CPSF3: variants seen among roughly 807,000 people sequenced by gnomAD.
CPSF3 encodes the protein cleavage and polyadenylation specificity factor subunit 3.
In CPSF3, 57 loss-of-function variants were observed where a neutral mutation model predicts 84.1. The observed-to-expected ratio is 0.68, with a 90% CI of 0.55 to 0.85. The LOEUF (loss-of-function observed/expected upper bound fraction) is 0.85, where lower values mean the gene tolerates loss of function less well. Among genes scored for constraint, CPSF3 ranks in the 40% least tolerant of loss-of-function variants. CPSF3 has a pLI of 0.00. For synonymous variants in CPSF3, 275 were observed against 278.1 expected (o/e 0.99, Z 0.11); for missense variants, 522 against 838.8 (o/e 0.62, Z 4.66).
At chr2:9,426,400 G>A (rs1024129723) in intron 1 of CPSF3, among the ~76,000 whole-genome samples, 1 of 152,190 alleles carries the variant, frequency 6.6e-6, no homozygotes, top group African/African-American at 2.4e-5. Flanking sequence ...GAGCAAGTAC[G>A]GGGCATGTGG....
rs1047229443 is a variant in CPSF3, at chr2:9,471,735, A to C, written c.1953+296A>C. 3.3e-5 allele frequency among the ~76,000 whole-genome samples: 5 copies of C among 151,528 alleles called. No homozygotes were observed. In the Admixed American group the frequency reaches 3.3e-4, roughly 10 times the overall value. ...TAGTTTGGCATCTAGTTGACTCTCC[A>C]TTTTTTAAAGAAGCCGCTCTTCTGT... is the stretch of plus-strand genomic sequence containing the variant. On this transcript the variant is annotated intron_variant, in intron 17 of 17. Transcript: ENST00000238112.
chr2:9,450,147 A>ATTTT (rs750560891), intron 11 of CPSF3, among the ~76,000 whole-genome samples: 2 of 122,680 alleles, frequency 1.6e-5, no homozygotes, highest in African/African-American at 3.0e-5. Flanking sequence ...ACAGGCACAA[A>ATTTT]TTTTTTTTTT....
intron 1 of CPSF3, among the ~76,000 whole-genome samples, chr2:9,426,760 A>G (rs1680406474): frequency 6.6e-6 from 1 of 152,026 alleles, no homozygotes; most frequent in Non-Finnish European, 1.5e-5. Context: ...GGCTGCCAAG[A>G]GAACAAGATA....
At position 9,428,848 on chromosome 2, in the gene CPSF3, TC is replaced by T. The variant is rs768294046; in HGVS notation, c.114+21del. ...ATAATGGTAATTACTATTTTTGTAC[TC>T]AGTTTAATAGTATGGCTCTGTCTGT... On this transcript the variant is annotated intron_variant, in intron 2 of 17. Coordinates refer to ENST00000238112, the MANE Select transcript of CPSF3 (RefSeq NM_016207.4). The T allele has an allele frequency of 7.0e-7, 1 of 1,421,440 alleles. No individual in the cohort carries two copies. The allele number at this position is 1,421,440 out of a possible 1,614,324, so 88.1% of individuals were successfully genotyped here.
intron 15 of CPSF3, among the ~76,000 whole-genome samples, chr2:9,466,416 G>GCACACGCGCA (rs879318523): frequency 1.1e-4 from 16 of 140,910 alleles, no homozygotes; most frequent in East Asian, 4.1e-4. Context: ...GCGCACACAC[G>GCACACGCGCA]CACACGCGCA....
intron 15 of CPSF3, among the ~76,000 whole-genome samples, chr2:9,465,211 T>G (rs1453863156): frequency 6.6e-6 from 1 of 152,138 alleles, no homozygotes; most frequent in Non-Finnish European, 1.5e-5. Context: ...TAGTGTTACA[T>G]GAGAAAGTAA....
At chr2:9,458,752 G>A (rs556451504) in intron 14 of CPSF3, among the ~76,000 whole-genome samples, 22 of 152,126 alleles carry the variant, frequency 1.4e-4, no homozygotes, top group Non-Finnish European at 2.6e-4. Flanking sequence ...GTCAGAGATT[G>A]TACCCTAGGA....
At chr2:9,439,263 G>A (rs1395598563) in intron 7 of CPSF3, among the ~76,000 whole-genome samples, 2 of 151,890 alleles carry the variant, frequency 1.3e-5, no homozygotes, top group Non-Finnish European at 2.9e-5. Flanking sequence ...AAGTTGTTTT[G>A]AAAATTAGAA....
chr2:9,451,907 G>A (rs910449365), intron 11 of CPSF3, among the ~76,000 whole-genome samples: 44 of 151,954 alleles, frequency 2.9e-4, no homozygotes, highest in Admixed American at 1.1e-3. Flanking sequence ...TAGTAGAGAC[G>A]GGGTTTCATT....
At position 9,431,550 on chromosome 2, in the gene CPSF3, TTC is replaced by T. The variant is rs1174973839; in HGVS notation, c.341+672_341+673del. 1.2e-3 allele frequency among the ~76,000 whole-genome samples: 121 copies of T among 103,460 alleles called. 5 individuals are homozygous for T. Among genetic ancestry groups the T allele is most frequent in the African/African-American group, 2.9e-3 (71 of 24,716 alleles). 67.9% of individuals were successfully genotyped at this position (103,460 alleles called of 152,430 possible). A position where few individuals can be genotyped will look rare whatever the true frequency, so the allele number is the denominator to read the frequency against. On this transcript the variant is annotated intron_variant, in intron 4 of 17. Coordinates refer to ENST00000238112, the MANE Select transcript of CPSF3 (RefSeq NM_016207.4). ...ACATATTTTTTTTTTCTTTTTTTTT[TTC>T]TTTTTTTTTTGAGACGGAGTCTTGT...
rs1681509107 is a variant in CPSF3 at position 9,455,874 on chromosome 2, A to C, written c.1603+117A>C. ...ATTGTCTCAGAATTGTGTAAGTTTT[A>C]TAAATATGTGTGATCATGTTATTAT... On this transcript the variant is annotated intron_variant, in intron 13 of 17. Transcript: ENST00000238112. The C allele has an allele frequency of 1.2e-5, 8 of 688,384 alleles. No individual in the cohort carries two copies. The South Asian group carries it at 1.7e-4, about 14-fold the overall frequency. 42.6% of individuals were successfully genotyped at this position (688,384 alleles called of 1,614,324 possible). A position where few individuals can be genotyped will look rare whatever the true frequency, so the allele number is the denominator to read the frequency against.
chr2:9,424,038 C>G, intron 1 of CPSF3: 2 of 1,283,826 alleles, frequency 1.6e-6, no homozygotes, highest in South Asian at 4.5e-5. Context: ...GCTTTTTCAT[C>G]AGTTTCAGGG....
At chr2:9,466,320 G>A (rs1454399342) in intron 15 of CPSF3, among the ~76,000 whole-genome samples, 2 of 72,554 alleles carry the variant, frequency 2.8e-5, no homozygotes, top group Non-Finnish European at 6.6e-5. Context: ...ACTGACGCAC[G>A]CACACAGACG....
At position 9,435,171 on chromosome 2, in the gene CPSF3, G is replaced by A. The variant is rs372890271; in HGVS notation, c.610-1040G>A. Among the ~76,000 whole-genome samples the A allele has an allele frequency of 6.8e-4, 104 of 152,290 alleles. 1 individual carries two copies. Among genetic ancestry groups the A allele is most frequent in the African/African-American group, 2.3e-3 (97 of 41,562 alleles). On this transcript the variant is annotated intron_variant, in intron 6 of 17. Transcript: ENST00000238112. ...TCTGGGCTGGGGTCTGAGATTTTGCGCTTCTGATAAGCTCCCAAGGGATGT... is the reference window on the plus strand; with the variant it reads ...TCTGGGCTGGGGTCTGAGATTTTGCACTTCTGATAAGCTCCCAAGGGATGT...
chr2:9,425,751 C>G (rs1680368453), intron 1 of CPSF3, among the ~76,000 whole-genome samples: 1 of 31,846 alleles, frequency 3.1e-5, no homozygotes, highest in Non-Finnish European at 9.1e-5. Context: ...ATACAGTTTA[C>G]ATACCATACA....
At chr2:9,471,224 AG>A in intron 16 of CPSF3, 118 bp from the exon 17 acceptor site, 2 of 625,534 alleles carry the variant, frequency 3.2e-6, no homozygotes, top group Admixed American at 2.8e-5. Context: ...AAAAAAAAAA[AG>A]AAAAAAAGTA....
At chr2:9,471,460 A>C (rs763207361) in intron 17 of CPSF3, 21 bp downstream of exon 17, 7 of 1,380,518 alleles carry the variant, frequency 5.1e-6, no homozygotes, top group Middle Eastern at 1.8e-4. Flanking sequence ...GCTCTTTCCT[A>C]CGTTTCAAGA....
At chr2:9,428,596 TG>T (rs1250133772) in intron 1 of CPSF3, among the ~76,000 whole-genome samples, 168 bp from the exon 2 acceptor site, 1 of 152,342 alleles carries the variant, frequency 6.6e-6, no homozygotes, top group African/African-American at 2.4e-5. Context: ...ATGTGGACAC[TG>T]TTCTTCCCTG....
intron 11 of CPSF3, among the ~76,000 whole-genome samples, chr2:9,452,531 C>T (rs1459828814): frequency 6.6e-6 from 1 of 152,178 alleles, no homozygotes; most frequent in Non-Finnish European, 1.5e-5. Context: ...TATCAGTGGG[C>T]CTCACTCTCT....
Sources: gnomAD v4.1 joint callset for allele counts (sites outside exome capture counted in the v4.1 genomes callset) on GRCh38, gnomAD v4.1.1 for gene constraint, MANE v1.5 for transcripts, NCBI Gene and HGNC (gene_info 2026-07-23, HGNC 2026-07-21) for gene names.